RTN4: variants seen among roughly 807,000 people sequenced by gnomAD.
RTN4 encodes reticulon-4.
Under a neutral mutation model 90.4 loss-of-function variants are expected in RTN4, and 32 were observed. The ratio of observed to expected loss-of-function variants is 0.35; its 90% CI spans 0.27 to 0.48. The LOEUF (loss-of-function observed/expected upper bound fraction) is 0.48, where lower values mean the gene tolerates loss of function less well. RTN4 is among the 20% of genes least tolerant of loss of function. The pLI, the probability that RTN4 is intolerant of heterozygous loss-of-function variation, is 0.99. For missense variants in RTN4, 1,706 were observed against 1,430.2 expected (o/e 1.19, Z -3.11); for synonymous variants, 629 against 552.5 (o/e 1.14, Z -1.94).
At chr2:55,067,375 G>A (rs1001295015) in intron 2 of RTN4, among the ~76,000 whole-genome samples, 65 of 151,438 alleles carry the variant, frequency 4.3e-4, no homozygotes, top group African/African-American at 1.4e-3. Flanking sequence ...GCACATGTTT[G>A]CTTTGAAGGG....
chr2:55,013,608 TGGG>T (rs57840770), intron 3 of RTN4, among the ~76,000 whole-genome samples: 8 of 62,522 alleles, frequency 1.3e-4, no homozygotes, highest in African/African-American at 1.6e-4. Flanking sequence ...GGTTTTTTTT[TGGG>T]GGGGGGGGAG....
At chr2:55,124,139 T>C in the RTN4 span, among the ~76,000 whole-genome samples, 1 of 152,250 alleles carries the variant, frequency 6.6e-6, no homozygotes, top group Non-Finnish European at 1.5e-5. Context: ...AGAATCACCC[T>C]AATCCCCTCT....
Position 55,050,361 on chromosome 2 carries a change from G to T in RTN4, c.-61C>A. On this transcript the variant is annotated 5_prime_UTR_variant, in exon 1 of 9. Coordinates refer to ENST00000337526, the MANE Select transcript of RTN4 (RefSeq NM_020532.5). The surrounding 1 kb of genome is among the most constrained non-coding windows in gnomAD (Gnocchi z 4.6). The stretch of plus-strand genomic sequence containing the variant: ...GCCGCCGCCGGGGCCGCGTCTCAGA[G>T]CCGCGGGCGGTTGTGGGGGTTGGGG... 2 of 1,183,118 alleles carry T rather than the reference G, an allele frequency of 1.7e-6. No individual in the cohort carries two copies. Among genetic ancestry groups the T allele is most frequent in the Non-Finnish European group, 2.2e-6 (2 of 898,328 alleles). 73.3% of individuals were successfully genotyped at this position (1,183,118 alleles called of 1,614,324 possible).
At chr2:55,117,266 T>C (rs758581891), upstream of RTN4, among the ~76,000 whole-genome samples, 21 of 152,230 alleles carry the variant, frequency 1.4e-4, no homozygotes, top group Non-Finnish European at 2.5e-4. Flanking sequence ...CTGGGTCATC[T>C]TGGACCTGAT....
At chr2:55,119,605 G>C in the RTN4 span, among the ~76,000 whole-genome samples, 3 of 152,224 alleles carry the variant, frequency 2.0e-5, no homozygotes, top group Non-Finnish European at 4.4e-5. Flanking sequence ...TCTCTGGGCA[G>C]AGTGACCAGC....
chr2:55,038,990 C>T (rs1285081236), intron 1 of RTN4, among the ~76,000 whole-genome samples: 1 of 152,128 alleles, frequency 6.6e-6, no homozygotes, highest in African/African-American at 2.4e-5. Context: ...TGCAAGTAGC[C>T]AAGCACAAAA....
chr2:54,972,824 T>C lies in RTN4; in HGVS notation c.*332A>G. On this transcript the variant is annotated 3_prime_UTR_variant, in exon 9 of 9. Coordinates refer to ENST00000337526, the MANE Select transcript of RTN4 (RefSeq NM_020532.5). The stretch of plus-strand genomic sequence containing the variant: ...TTTTTTTTTTTTTCTAGCTCCACCA[T>C]CTCTGCAACTTGCCAAGATGCGGCA... The C allele has an allele frequency of 5.2e-6, 1 of 193,122 alleles. No individual in the cohort carries two copies. The highest frequency in any genetic ancestry group is 1.0e-5 in the Non-Finnish European group (1 of 97,810). 12.0% of individuals were successfully genotyped at this position (193,122 alleles called of 1,614,324 possible). A position where few individuals can be genotyped will look rare whatever the true frequency, so the allele number is the denominator to read the frequency against.
In RTN4 at chr2:54,972,298, A is replaced by G. The variant is rs1182135233; in HGVS notation, c.*858T>C. 6.6e-6 allele frequency: 1 copy of G among 152,632 alleles called. No individual in the cohort carries two copies. The highest frequency in any genetic ancestry group is 2.4e-5 in the African/African-American group (1 of 41,464). 9.5% of individuals were successfully genotyped at this position (152,632 alleles called of 1,614,324 possible). On this transcript the variant is annotated 3_prime_UTR_variant, in exon 9 of 9. Transcript: ENST00000337526. The stretch of plus-strand genomic sequence containing the variant: ...CAATGGTATAAATCTTCATTTTGTA[A>G]TTAATAATTTCTTGCATAACAATGT...
intron 1 of RTN4, among the ~76,000 whole-genome samples, chr2:55,090,879 G>A (rs1668923627): frequency 6.6e-6 from 1 of 151,928 alleles, no homozygotes; most frequent in East Asian, 1.9e-4. Context: ...CCAAATCTAC[G>A]AGTCATCCTT....
chr2:55,134,661 G>A, the RTN4 span, among the ~76,000 whole-genome samples: 4 of 152,158 alleles, frequency 2.6e-5, no homozygotes, highest in African/African-American at 7.2e-5. Flanking sequence ...TGGGTGAAGC[G>A]GGAGGTGGGA....
At chr2:55,005,869 G>T (rs1353060175) in intron 3 of RTN4, among the ~76,000 whole-genome samples, 1 of 152,088 alleles carries the variant, frequency 6.6e-6, no homozygotes, top group Non-Finnish European at 1.5e-5. Context: ...AACAAAGATT[G>T]TGTTAAGTAT....
At chr2:55,015,394 A>G (rs1300897776) in intron 3 of RTN4, among the ~76,000 whole-genome samples, 3 of 152,136 alleles carry the variant, frequency 2.0e-5, no homozygotes, top group African/African-American at 7.2e-5. Context: ...TAAATAAAAA[A>G]TATATTTTCC....
At chr2:55,037,328 T>A (rs1369868458) in intron 1 of RTN4, among the ~76,000 whole-genome samples, 1 of 152,238 alleles carries the variant, frequency 6.6e-6, no homozygotes, top group Non-Finnish European at 1.5e-5. Flanking sequence ...TTTTTACACA[T>A]CTTCCCTTTG....
rs896401198 is a variant in RTN4, at chr2:55,028,255, T to A, written c.557-35A>T. On this transcript the variant is annotated intron_variant, in intron 1 of 8. Coordinates refer to ENST00000337526, the MANE Select transcript of RTN4 (RefSeq NM_020532.5). ...AAATAGAATATAACCTCAGCAGAAA[T>A]AAAGACAGATTGAAAGGAGACTAAA... is the stretch of plus-strand genomic sequence containing the variant. 2.5e-6 allele frequency: 4 copies of A among 1,582,004 alleles called. No individual in the cohort carries two copies. In the African/African-American group the frequency reaches 5.4e-5, roughly 21 times the overall value.
intron 3 of RTN4, among the ~76,000 whole-genome samples, chr2:54,996,087 A>G (rs1408580859): frequency 1.3e-5 from 2 of 152,214 alleles, no homozygotes; most frequent in Non-Finnish European, 2.9e-5. Flanking sequence ...CAATCTGAAA[A>G]TGAATTAAAT....
chr2:55,090,758 T>C (rs1417039748), intron 1 of RTN4, among the ~76,000 whole-genome samples: 1 of 152,222 alleles, frequency 6.6e-6, no homozygotes, highest in Non-Finnish European at 1.5e-5. Context: ...AATAAGTAAC[T>C]CCCATTTAAA....
intron 2 of RTN4, among the ~76,000 whole-genome samples, chr2:55,064,204 T>TAAAA (rs35994756): frequency 1.4e-3 from 190 of 139,590 alleles, no homozygotes; most frequent in African/African-American, 4.8e-3. Flanking sequence ...GACCATGTCT[T>TAAAA]AAAAAAAAAA....
chr2:55,025,066 C>T lies in RTN4; in HGVS notation c.3013+20G>A, dbSNP rs1681715332. 1 of 1,572,104 alleles carries T rather than the reference C, an allele frequency of 6.4e-7. No homozygotes were observed. On this transcript the variant is annotated intron_variant, in intron 3 of 8. Coordinates refer to ENST00000337526, the MANE Select transcript of RTN4 (RefSeq NM_020532.5). ...CCAAAAGTGGCATGAAAGCACAAAACTGCATATAGATTGGATTACCTGAAG... is the reference window on the plus strand; with the variant it reads ...CCAAAAGTGGCATGAAAGCACAAAATTGCATATAGATTGGATTACCTGAAG...
At chr2:55,130,206 T>C in the RTN4 span, among the ~76,000 whole-genome samples, 6 of 152,238 alleles carry the variant, frequency 3.9e-5, no homozygotes, top group Non-Finnish European at 7.3e-5. Context: ...AGTGCTGACA[T>C]GGAAAAATTT....
Sources: allele counts gnomAD v4.1 joint callset (sites outside exome capture counted in the v4.1 genomes callset), GRCh38; gene constraint gnomAD v4.1.1; non-coding constraint Gnocchi (gnomAD v3.1); transcripts MANE v1.5; gene names NCBI Gene and HGNC (gene_info 2026-07-23, HGNC 2026-07-21).